The following CRTC1 variants were observed in gnomAD, a reference collection of about 807,000 sequenced individuals.
CRTC1 encodes the protein CREB-regulated transcription coactivator 1.
Under a neutral mutation model 66.1 loss-of-function variants are expected in CRTC1, and 18 were observed. That is an observed-to-expected ratio of 0.27 (90% confidence interval 0.19 to 0.40). The LOEUF (loss-of-function observed/expected upper bound fraction) is 0.40. Among genes scored for constraint, CRTC1 ranks in the 10% least tolerant of loss-of-function variants. CRTC1 has a pLI of 1.00. For synonymous variants in CRTC1, 416 were observed against 398.8 expected, an observed-to-expected ratio of 1.04 and a Z score of -0.51; for missense variants, 669 against 887.9, an observed-to-expected ratio of 0.75 and a Z score of 3.13.
intron 1 of CRTC1, among the ~76,000 whole-genome samples, chr19:18,726,012 C>T (rs1245617561): frequency 6.6e-6 from 1 of 152,218 alleles, no homozygotes; most frequent in Non-Finnish European, 1.5e-5. Context: ...AGTGCTTCCT[C>T]CCGACTCATG....
intron 8 of CRTC1, among the ~76,000 whole-genome samples, chr19:18,764,113 C>T (rs1002880836): frequency 3.9e-5 from 6 of 152,174 alleles, no homozygotes; most frequent in Non-Finnish European, 5.9e-5. Context: ...GAGCTCGCCC[C>T]GGTGAGCAGC....
In CRTC1 at chr19:18,768,382, G is replaced by A. The variant is rs979241311; in HGVS notation, c.1012-103G>A. ...CCCAGGGGCTGCCTGTGATCACAGG[G>A]CCCTTCCACCTCGCCTGCTGAGCAT... is the stretch of plus-strand genomic sequence containing the variant. On this transcript the variant is annotated intron_variant, in intron 9 of 13. Coordinates refer to ENST00000321949, the MANE Select transcript of CRTC1 (RefSeq NM_015321.3). This position sits in a 1 kb window ranked among gnomAD's most constrained non-coding sequence, Gnocchi z 5.6. 22 of 924,852 alleles carry A rather than the reference G, an allele frequency of 2.4e-5. No individual in the cohort carries two copies. The Admixed American group carries it at 4.7e-4, about 20-fold the overall frequency. 57.3% of individuals were successfully genotyped at this position (924,852 alleles called of 1,614,324 possible). A position where few individuals can be genotyped will look rare whatever the true frequency, so the allele number is the denominator to read the frequency against.
In CRTC1 at chr19:18,738,228, G is replaced by A. The variant is rs963420963; in HGVS notation, c.127-4682G>A. ...GATACTCAGGAGGCCAAAGTGGGAGGATCACCTGATCCTGGGAAGCCAAGG... is the reference window on the plus strand; with the variant it reads ...GATACTCAGGAGGCCAAAGTGGGAGAATCACCTGATCCTGGGAAGCCAAGG... On this transcript the variant is annotated intron_variant, in intron 1 of 13. Coordinates refer to ENST00000321949, the MANE Select transcript of CRTC1 (RefSeq NM_015321.3). Among the ~76,000 whole-genome samples the A allele has an allele frequency of 2.6e-5, 4 of 152,054 alleles. No homozygotes were observed. The South Asian group carries it at 8.3e-4, about 32-fold the overall frequency.
At position 18,776,825 on chromosome 19, in the gene CRTC1, G is replaced by A. The variant is rs563082362; in HGVS notation, c.1694-346G>A. On this transcript the variant is annotated intron_variant, in intron 13 of 13. Transcript: ENST00000321949. ...AGCCTGCTTCTCAGTGACTCGTGCC[G>A]AGCAGCCCTCATGGCTGAGGGAGCC... Among the ~76,000 whole-genome samples, 24 of 152,252 alleles carry A rather than the reference G, an allele frequency of 1.6e-4. 1 individual carries two copies. The highest frequency in any genetic ancestry group is 6.3e-4 in the South Asian group (3 of 4,758).
chr19:18,747,295 GTCT>G (rs1452048129), intron 4 of CRTC1, among the ~76,000 whole-genome samples, 181 bp downstream of exon 4: 1 of 152,000 alleles, frequency 6.6e-6, no homozygotes, highest in Non-Finnish European at 1.5e-5. Context: ...GCTTTGGGAG[GTCT>G]TCTAACATTT....
In CRTC1 at chr19:18,723,815, C is replaced by T. The variant is rs535527919; in HGVS notation, c.127-19095C>T. On this transcript the variant is annotated intron_variant, in intron 1 of 13. Coordinates refer to ENST00000321949, the MANE Select transcript of CRTC1 (RefSeq NM_015321.3). ...CTGGTCTCAGATGGAGTGAGACAGC[C>T]CCTGCGTCGACCCACCTTGCTGCCT... Among the ~76,000 whole-genome samples the T allele has an allele frequency of 9.2e-5, 14 of 152,292 alleles. 1 individual carries two copies. In the South Asian group the frequency reaches 2.1e-3, roughly 23 times the overall value.
At chr19:18,722,529 A>C (rs989806283) in intron 1 of CRTC1, among the ~76,000 whole-genome samples, 13 of 152,244 alleles carry the variant, frequency 8.5e-5, no homozygotes, top group African/African-American at 3.1e-4. Context: ...CACAGCGAGA[A>C]GGCCACGTGA....
At chr19:18,691,536 A>T (rs2052837046) in intron 1 of CRTC1, among the ~76,000 whole-genome samples, 1 of 151,012 alleles carries the variant, frequency 6.6e-6, no homozygotes, top group African/African-American at 2.4e-5. Context: ...AAAAAAAAAA[A>T]AAAAAAAAGA....
intron 1 of CRTC1, among the ~76,000 whole-genome samples, chr19:18,737,567 T>C (rs1243771802): frequency 2.0e-5 from 3 of 152,102 alleles, no homozygotes; most frequent in African/African-American, 7.2e-5. Context: ...GGGTGAATCA[T>C]GTCCCACAAA....
In CRTC1 at chr19:18,720,739, A is replaced by T. The variant is rs548131664; in HGVS notation, c.127-22171A>T. ...CTGATCTCGAACTCCTGACCTCAAG[A>T]GATCCACCCACCTTGACCTCCCAAA... On this transcript the variant is annotated intron_variant, in intron 1 of 13. Transcript: ENST00000321949. 5.9e-5 allele frequency among the ~76,000 whole-genome samples: 9 copies of T among 152,012 alleles called. No individual in the cohort carries two copies. The South Asian group carries it at 1.9e-3, about 32-fold the overall frequency.
chr19:18,772,308 CA>C (rs751367954), intron 11 of CRTC1, among the ~76,000 whole-genome samples: 1 of 152,228 alleles, frequency 6.6e-6, no homozygotes, highest in Non-Finnish European at 1.5e-5. Context: ...GTAGACCCCA[CA>C]TTCCATCTAG....
chr19:18,723,559 T>G (rs560200596), intron 1 of CRTC1, among the ~76,000 whole-genome samples: 1 of 152,362 alleles, frequency 6.6e-6, no homozygotes, highest in South Asian at 2.1e-4. Context: ...TGGAAGTTTG[T>G]GGCCAAGGCC....
intron 2 of CRTC1, 127 bp from the exon 3 acceptor site, chr19:18,745,696 G>A: frequency 1.7e-6 from 2 of 1,210,404 alleles, no homozygotes; most frequent in East Asian, 2.3e-5. Context: ...CCAGGCTGTG[G>A]AGCGATGGCC....
In CRTC1 at chr19:18,780,684, G is replaced by C; in HGVS notation, c.*3302G>C. The stretch of plus-strand genomic sequence containing the variant: ...CCTGCCAGAAGCCCATGGGGGGCCA[G>C]GCCGGGTGGCTTCTATTTTATTTTT... On this transcript the variant is annotated 3_prime_UTR_variant, in exon 14 of 14. Transcript: ENST00000321949. 4.5e-6 allele frequency: 1 copy of C among 223,046 alleles called. No homozygotes were observed. The highest frequency in any genetic ancestry group is 6.5e-5 in the East Asian group (1 of 15,444). 13.8% of individuals were successfully genotyped at this position (223,046 alleles called of 1,614,324 possible). A position where few individuals can be genotyped will look rare whatever the true frequency, so the allele number is the denominator to read the frequency against.
intron 1 of CRTC1, among the ~76,000 whole-genome samples, chr19:18,710,413 C>T (rs2053363906): frequency 1.3e-5 from 2 of 152,130 alleles, no homozygotes; most frequent in Admixed American, 6.5e-5. Context: ...GGGACCATCC[C>T]TCTGGGTGAG....
chr19:18,764,697 A>G (rs182659900), intron 8 of CRTC1, among the ~76,000 whole-genome samples: 40 of 152,292 alleles, frequency 2.6e-4, no homozygotes, highest in African/African-American at 8.9e-4. Flanking sequence ...TTTAGTTCAG[A>G]CAGCCTGATG....
At chr19:18,714,872 G>A (rs1236978297) in intron 1 of CRTC1, among the ~76,000 whole-genome samples, 1 of 152,266 alleles carries the variant, frequency 6.6e-6, no homozygotes, top group Non-Finnish European at 1.5e-5. Context: ...CCTTTGGAGG[G>A]CCTCTCCTGC....
Position 18,760,249 on chromosome 19 carries a change from C to T in CRTC1, c.886+21C>T, listed in dbSNP as rs2054584773. 1 of 1,550,164 alleles carries T rather than the reference C, an allele frequency of 6.5e-7. No individual in the cohort carries two copies. Among genetic ancestry groups the T allele is most frequent in the African/African-American group, 1.4e-5 (1 of 73,364 alleles). The stretch of plus-strand genomic sequence containing the variant: ...CCAGGGTAAGGCAGGGACACTCCGC[C>T]CTCGGACAGAGCACTGGCTTGTGGA... On this transcript the variant is annotated intron_variant, in intron 8 of 13. Coordinates refer to ENST00000321949, the MANE Select transcript of CRTC1 (RefSeq NM_015321.3). The surrounding 1 kb of genome is among the most constrained non-coding windows in gnomAD (Gnocchi z 6.2).
At chr19:18,731,652 G>A (rs955835518) in intron 1 of CRTC1, among the ~76,000 whole-genome samples, 1 of 152,034 alleles carries the variant, frequency 6.6e-6, no homozygotes, top group Non-Finnish European at 1.5e-5. Flanking sequence ...CTGCTACCTT[G>A]TGCTGCCTCC....
Sources: gnomAD v4.1 joint callset for allele counts (sites outside exome capture counted in the v4.1 genomes callset) on GRCh38, gnomAD v4.1.1 for gene constraint, Gnocchi (gnomAD v3.1) non-coding constraint, MANE v1.5 for transcripts, NCBI Gene and HGNC (gene_info 2026-07-23, HGNC 2026-07-21) for gene names.